ALOX5AP: variants seen among roughly 807,000 people sequenced by gnomAD.
The protein encoded by ALOX5AP is arachidonate 5-lipoxygenase-activating protein.
Under a neutral mutation model 18.5 loss-of-function variants are expected in ALOX5AP, and 9 were observed. The observed-to-expected ratio is 0.49, with a 90% CI of 0.29 to 0.85. The LOEUF (loss-of-function observed/expected upper bound fraction) is 0.85. ALOX5AP is among the 40% of genes least tolerant of loss of function. The pLI, the probability that ALOX5AP is intolerant of heterozygous loss-of-function variation, is 0.08. For synonymous variants in ALOX5AP, 81 were observed against 78.6 expected (o/e 1.03, Z -0.16); for missense variants, 172 against 202.5 (o/e 0.85, Z 0.91).
At chr13:30,713,903 A>G (rs1951528803) in intron 1 of ALOX5AP, 1 of 1,509,584 alleles carries the variant, frequency 6.6e-7, no homozygotes, top group Non-Finnish European at 8.9e-7. Context: ...CCTCCTACAA[A>G]TTTGACCTGG....
At chr13:30,735,365 T>C (rs1951711728), upstream of ALOX5AP, 2 of 752,592 alleles carry the variant, frequency 2.7e-6, no homozygotes, top group South Asian at 4.2e-5. Flanking sequence ...CTTTGCGTGC[T>C]CCTCTGCCAA....
At chr13:30,729,922 T>A (rs554454241) in intron 1 of ALOX5AP, among the ~76,000 whole-genome samples, 39 of 151,680 alleles carry the variant, frequency 2.6e-4, no homozygotes, top group African/African-American at 8.8e-4. Flanking sequence ...GTTTTCCACA[T>A]GCATGGGTCA....
intron 1 of ALOX5AP, chr13:30,713,927 T>A (rs1951529092): frequency 7.0e-7 from 1 of 1,431,916 alleles, no homozygotes. Flanking sequence ...CAGGGCCATG[T>A]TCGGTGGTTT....
At position 30,735,680 on chromosome 13, in the gene ALOX5AP, G is replaced by A. The variant is rs950036727; in HGVS notation, c.70+5G>A. ...TCATCAGCGTGGTCCAGAATGGTAAGGAAAGCCCTTCACTCAGGGAAGAAC... is the reference window on the plus strand; with the variant it reads ...TCATCAGCGTGGTCCAGAATGGTAAAGAAAGCCCTTCACTCAGGGAAGAAC... On this transcript the variant is annotated splice_donor_5th_base_variant and intron_variant, in intron 1 of 4. Transcript: ENST00000380490. The A allele has an allele frequency of 1.2e-5, 20 of 1,614,064 alleles. No homozygotes were observed. The highest frequency in any genetic ancestry group is 1.7e-4 in the Middle Eastern group (1 of 6,060).
chr13:30,738,887 A>C (rs930230031), intron 1 of ALOX5AP, among the ~76,000 whole-genome samples: 6 of 152,144 alleles, frequency 3.9e-5, no homozygotes, highest in Admixed American at 1.3e-4. Context: ...GTTTGTGAGC[A>C]TAGTGCTAAG....
At chr13:30,757,377 C>T (rs1951904979) in intron 4 of ALOX5AP, among the ~76,000 whole-genome samples, 1 of 152,182 alleles carries the variant, frequency 6.6e-6, no homozygotes, top group Non-Finnish European at 1.5e-5. Flanking sequence ...AGATCCTTCC[C>T]TGTGCCATCT....
At chr13:30,715,682 G>A (rs1213786699) in intron 1 of ALOX5AP, among the ~76,000 whole-genome samples, 4 of 152,146 alleles carry the variant, frequency 2.6e-5, no homozygotes, top group Non-Finnish European at 4.4e-5. Context: ...GTGTTGGGGC[G>A]GTCTTTCCCA....
intron 4 of ALOX5AP, among the ~76,000 whole-genome samples, chr13:30,761,244 G>A (rs1317295446): frequency 1.3e-5 from 2 of 152,188 alleles, no homozygotes; most frequent in Non-Finnish European, 2.9e-5. Flanking sequence ...AAGCACCCTA[G>A]TCCTATGCTG....
intron 2 of ALOX5AP, among the ~76,000 whole-genome samples, chr13:30,751,408 A>G (rs192689680): frequency 4.7e-4 from 71 of 152,336 alleles, no homozygotes; most frequent in African/African-American, 1.7e-3. Flanking sequence ...TCATACAGTT[A>G]TCATGTGAAC....
chr13:30,740,543 T>C (rs3922435), intron 1 of ALOX5AP, among the ~76,000 whole-genome samples: 144,917 of 152,306 alleles, frequency 0.95, 69,205 homozygotes, highest in East Asian at 1. Flanking sequence ...TCTTTGCATG[T>C]ATTGTTTCTG....
At chr13:30,718,988 G>T (rs944056752) in intron 1 of ALOX5AP, among the ~76,000 whole-genome samples, 1 of 152,138 alleles carries the variant, frequency 6.6e-6, no homozygotes, top group African/African-American at 2.4e-5. Context: ...TTTGTGTTCT[G>T]CCATCAAGTT....
intron 1 of ALOX5AP, among the ~76,000 whole-genome samples, chr13:30,743,352 A>C (rs1288808514): frequency 6.6e-6 from 1 of 152,138 alleles, no homozygotes; most frequent in Non-Finnish European, 1.5e-5. Flanking sequence ...TGTCCTCACC[A>C]GAGCATCAGT....
chr13:30,751,647 A>G (rs913698032), intron 2 of ALOX5AP, among the ~76,000 whole-genome samples: 3 of 152,140 alleles, frequency 2.0e-5, no homozygotes, highest in Non-Finnish European at 2.9e-5. Flanking sequence ...TGTGGATCTG[A>G]TAGAAAAGTT....
At chr13:30,742,575 G>A (rs1476320932) in intron 1 of ALOX5AP, 4 of 152,148 alleles carry the variant, frequency 2.6e-5, no homozygotes, top group African/African-American at 7.2e-5. Context: ...CCTGGGATGA[G>A]GTGGGCCCTT....
At chr13:30,734,956 A>G (rs1358371229), upstream of ALOX5AP, among the ~76,000 whole-genome samples, 6 of 152,260 alleles carry the variant, frequency 3.9e-5, no homozygotes, top group Admixed American at 2.6e-4. Flanking sequence ...TATTTGGGGC[A>G]CAGATCTTTT....
chr13:30,746,446 G>A (rs1036918106), intron 2 of ALOX5AP, among the ~76,000 whole-genome samples: 6 of 152,264 alleles, frequency 3.9e-5, no homozygotes, highest in Non-Finnish European at 8.8e-5. Context: ...CACTGCTGCG[G>A]TTCTGTTACA....
intron 1 of ALOX5AP, among the ~76,000 whole-genome samples, chr13:30,717,594 G>A (rs943686294): frequency 6.6e-6 from 1 of 152,214 alleles, no homozygotes; most frequent in African/African-American, 2.4e-5. Flanking sequence ...AGTTTATTGC[G>A]AAGGACATTT....
At chr13:30,731,409 T>G (rs969671698), upstream of ALOX5AP, among the ~76,000 whole-genome samples, 4 of 151,352 alleles carry the variant, frequency 2.6e-5, no homozygotes, top group African/African-American at 9.7e-5. Context: ...GATCTCCCTC[T>G]CTTGCCCAGG....
At chr13:30,761,828 C>G (rs566004684) in intron 4 of ALOX5AP, among the ~76,000 whole-genome samples, 1 of 152,182 alleles carries the variant, frequency 6.6e-6, no homozygotes, top group Non-Finnish European at 1.5e-5. Context: ...GATGAGGATC[C>G]ACCCATATGA....
Sources: gnomAD v4.1 joint callset for allele counts (sites outside exome capture counted in the v4.1 genomes callset) on GRCh38, gnomAD v4.1.1 for gene constraint, MANE v1.5 for transcripts, NCBI Gene and HGNC (gene_info 2026-07-23, HGNC 2026-07-21) for gene names.